FRMD3: variants seen among roughly 807,000 people sequenced by gnomAD.
FRMD3 encodes the protein FERM domain-containing protein 3.
FRMD3 carries 33 observed loss-of-function variants against 70.2 expected under a neutral mutation model. The ratio of observed to expected loss-of-function variants is 0.47; its 90% confidence interval spans 0.36 to 0.63. The LOEUF is 0.63. Among genes scored for constraint, FRMD3 ranks in the 20% least tolerant of loss-of-function variants. FRMD3 has a pLI of 0.00. For missense variants in FRMD3, 632 were observed against 711.4 expected, an observed-to-expected ratio of 0.89 and a Z score of 1.27; for synonymous variants, 279 against 255.9, an observed-to-expected ratio of 1.09 and a Z score of -0.86.
At chr9:83,363,805 T>G (rs562939885) in intron 3 of FRMD3, among the ~76,000 whole-genome samples, 15 of 152,124 alleles carry the variant, frequency 9.9e-5, no homozygotes, top group South Asian at 2.1e-4. Context: ...CCGCCCACCT[T>G]GGCCTCCCAA....
At chr9:83,463,065 A>G (rs1418472178) in intron 1 of FRMD3, among the ~76,000 whole-genome samples, 2 of 152,240 alleles carry the variant, frequency 1.3e-5, no homozygotes, top group South Asian at 2.1e-4. Context: ...AAATTGCACC[A>G]TGATGTTCTG....
the FRMD3 span, among the ~76,000 whole-genome samples, chr9:83,545,790 T>C: frequency 6.6e-6 from 1 of 152,202 alleles, no homozygotes; most frequent in Non-Finnish European, 1.5e-5. Context: ...TTTGAGGGAA[T>C]AATTGAGGAA....
intron 1 of FRMD3, among the ~76,000 whole-genome samples, chr9:83,413,723 G>A (rs1826344041): frequency 6.6e-6 from 1 of 151,808 alleles, no homozygotes; most frequent in Non-Finnish European, 1.5e-5. Context: ...GAAATCCATG[G>A]GCATAAATCT....
chr9:83,480,596 A>T (rs1022015789), intron 1 of FRMD3, among the ~76,000 whole-genome samples: 1 of 151,718 alleles, frequency 6.6e-6, no homozygotes, highest in African/African-American at 2.4e-5. Context: ...CCCGGGTTCA[A>T]GTGATTCTCC....
intron 2 of FRMD3, among the ~76,000 whole-genome samples, chr9:83,374,836 G>A (rs912153658): frequency 1.3e-5 from 2 of 152,080 alleles, no homozygotes; most frequent in Admixed American, 1.3e-4. Context: ...GGCCCCTGGT[G>A]GTTAAATTAC....
intron 12 of FRMD3, among the ~76,000 whole-genome samples, chr9:83,292,985 G>A (rs752645980): frequency 4.6e-5 from 7 of 152,164 alleles, no homozygotes; most frequent in Non-Finnish European, 1.0e-4. Flanking sequence ...CTGGAACACC[G>A]TGCCTCTCAT....
intron 10 of FRMD3, among the ~76,000 whole-genome samples, chr9:83,302,397 T>C (rs1184289575): frequency 6.6e-6 from 1 of 152,170 alleles, no homozygotes; most frequent in Non-Finnish European, 1.5e-5. Context: ...GAAAGAACAG[T>C]GGTCCAGATT....
At chr9:83,496,488 AGCATTT>A (rs1828945923) in intron 1 of FRMD3, among the ~76,000 whole-genome samples, 1 of 152,208 alleles carries the variant, frequency 6.6e-6, no homozygotes. Flanking sequence ...ATCACCAAGG[AGCATTT>A]GCTAAAATAA....
At chr9:83,315,626 G>A (rs1052063876) in intron 6 of FRMD3, among the ~76,000 whole-genome samples, 10 of 152,040 alleles carry the variant, frequency 6.6e-5, no homozygotes, top group Admixed American at 5.2e-4. Context: ...CTTCCACCAC[G>A]TTTGTAAGTT....
chr9:83,246,849 G>A lies in FRMD3; in HGVS notation c.*1069C>T, dbSNP rs1025976600. ...CGACTGCACTGCTCTTCACATCATC[G>A]AACGCTGGCATCACCATCACTTTCA... On this transcript the variant is annotated 3_prime_UTR_variant, in exon 14 of 14. Coordinates refer to ENST00000304195, the MANE Select transcript of FRMD3 (RefSeq NM_174938.6). 2.2e-5 allele frequency: 22 copies of A among 985,124 alleles called. No individual in the cohort carries two copies. In the South Asian group the frequency reaches 8.9e-4, roughly 40 times the overall value. 61.0% of individuals were successfully genotyped at this position (985,124 alleles called of 1,614,324 possible). A position where few individuals can be genotyped will look rare whatever the true frequency, so the allele number is the denominator to read the frequency against.
intron 6 of FRMD3, among the ~76,000 whole-genome samples, chr9:83,329,050 C>T (rs540173624): frequency 3.2e-4 from 48 of 152,278 alleles, no homozygotes; most frequent in Non-Finnish European, 5.7e-4. Flanking sequence ...TTAAGGTCAT[C>T]GTAGCTAGAT....
chr9:83,560,336 C>T, the FRMD3 span, among the ~76,000 whole-genome samples: 1 of 152,182 alleles, frequency 6.6e-6, no homozygotes. Context: ...CATCAAGCAT[C>T]TCTGCTCATT....
intron 1 of FRMD3, among the ~76,000 whole-genome samples, chr9:83,495,238 G>A (rs1466037655): frequency 6.6e-6 from 1 of 152,128 alleles, no homozygotes; most frequent in Non-Finnish European, 1.5e-5. Flanking sequence ...AATGGGGAGG[G>A]TCCTGGAAGC....
chr9:83,479,676 GAAAGAAAGAAA>G (rs1564096756), intron 1 of FRMD3, among the ~76,000 whole-genome samples: 8 of 48,848 alleles, frequency 1.6e-4, no homozygotes, highest in Non-Finnish European at 2.6e-4. Flanking sequence ...AGGAAGGAAA[GAAAGAAAGAAA>G]GAAAGAAAGA....
At chr9:83,424,960 T>C (rs533253903) in intron 1 of FRMD3, among the ~76,000 whole-genome samples, 9 of 152,192 alleles carry the variant, frequency 5.9e-5, no homozygotes, top group Non-Finnish European at 1.5e-5. Context: ...CCAACTAGTA[T>C]GAAAAACTAG....
At chr9:83,271,451 G>T (rs1213489361) in intron 13 of FRMD3, among the ~76,000 whole-genome samples, 3 of 152,100 alleles carry the variant, frequency 2.0e-5, no homozygotes, top group African/African-American at 7.2e-5. Context: ...GATAGGAGGG[G>T]TATATTCTTG....
Position 83,290,699 on chromosome 9 carries a change from G to T in FRMD3, c.1099C>A (p.His367Asn). ...ATGATGAGCTGTTTGTTCAAGGAGT[G>T]GGAACTGCGGCTCTGAGTAATGTTG... ...RANITQSRSS[H>N]SLNKQLIINM... The change falls in exon 13 of 14, where the codon CAC becomes AAC. Residue 367 changes from histidine (H) to asparagine (N), a missense_variant. This residue lies in a region of FRMD3 where 418 missense variants were observed against 442.1 expected (regional missense o/e 0.95). Transcript: ENST00000304195. 1.2e-6 allele frequency: 2 copies of T among 1,613,386 alleles called. No homozygotes were observed. The highest frequency in any genetic ancestry group is 1.7e-6 in the Non-Finnish European group (2 of 1,179,642).
chr9:83,267,781 C>G (rs561326454), intron 13 of FRMD3, among the ~76,000 whole-genome samples: 2 of 151,982 alleles, frequency 1.3e-5, no homozygotes, highest in East Asian at 3.9e-4. Flanking sequence ...TGGGACGAAG[C>G]CTTTGGAATT....
intron 1 of FRMD3, among the ~76,000 whole-genome samples, chr9:83,463,048 G>A (rs144826181): frequency 4.6e-5 from 7 of 152,270 alleles, no homozygotes; most frequent in African/African-American, 1.4e-4. Context: ...GCAAAAGAAG[G>A]ATGCAAAAAT....
Sources: allele counts gnomAD v4.1 joint callset (sites outside exome capture counted in the v4.1 genomes callset), GRCh38; gene constraint gnomAD v4.1.1; regional missense constraint gnomAD v4.1.1; transcripts MANE v1.5; gene names NCBI Gene and HGNC (gene_info 2026-07-23, HGNC 2026-07-21).